The following ZBTB20 variants were observed in gnomAD, a reference collection of about 807,000 sequenced individuals.
ZBTB20 encodes zinc finger and BTB domain-containing protein 20.
Under a neutral mutation model 56.9 loss-of-function variants are expected in ZBTB20, and 9 were observed. The observed-to-expected ratio is 0.16, with a 90% CI of 0.10 to 0.28. The LOEUF (loss-of-function observed/expected upper bound fraction) is 0.28. Among genes scored for constraint, ZBTB20 ranks in the 10% least tolerant of loss-of-function variants. The pLI is 1.00. For synonymous variants in ZBTB20, 417 were observed against 420.7 expected (o/e 0.99, Z 0.11); for missense variants, 655 against 1,003.0 (o/e 0.65, Z 4.69).
At chr3:115,130,942 G>A (rs974937545) in intron 1 of ZBTB20, among the ~76,000 whole-genome samples, 2 of 152,050 alleles carry the variant, frequency 1.3e-5, no homozygotes, top group African/African-American at 2.4e-5. Flanking sequence ...TGAATTTTTA[G>A]TAGAGACAGG....
chr3:115,102,080 A>G (rs776687100), intron 1 of ZBTB20, among the ~76,000 whole-genome samples: 33 of 152,192 alleles, frequency 2.2e-4, no homozygotes, highest in Non-Finnish European at 4.7e-4. Flanking sequence ...TTAGAATGTA[A>G]TATCTACCTA....
Position 114,350,924 on chromosome 3 carries a change from G to T in ZBTB20, c.1154C>A (p.Thr385Asn). 1 of 1,606,036 alleles carries T rather than the reference G, an allele frequency of 6.2e-7. No individual in the cohort carries two copies. Among genetic ancestry groups the T allele is most frequent in the Non-Finnish European group, 8.5e-7 (1 of 1,179,916 alleles). Residue 385 changes from threonine (T) to asparagine (N), a missense_variant, in exon 11 of 12, where the codon ACC becomes AAC. Thr to Asn is a moderately conservative substitution (Grantham distance 65). Transcript: ENST00000675478. Reference sequence around the variant, plus strand: ...CTGCTGCTCCACCGAGTCAGGCTCGGTGCCTATGGAGGAGCTGACGCCCGA... The same window carrying T: ...CTGCTGCTCCACCGAGTCAGGCTCGTTGCCTATGGAGGAGCTGACGCCCGA... The part of the protein sequence containing the change: ...FDSGVSSSIG[T>N]EPDSVEQQFG...
chr3:115,086,489 C>T (rs943604622), intron 1 of ZBTB20, among the ~76,000 whole-genome samples: 1 of 151,684 alleles, frequency 6.6e-6, no homozygotes, highest in Non-Finnish European at 1.5e-5. Context: ...CTGCTATTGA[C>T]TCTTAATAAT....
intron 2 of ZBTB20, among the ~76,000 whole-genome samples, chr3:115,000,974 T>A (rs1190203577): frequency 1.3e-5 from 2 of 151,372 alleles, no homozygotes; most frequent in Non-Finnish European, 3.0e-5. Flanking sequence ...TATGTCTACA[T>A]TTAGGTGAAC....
At chr3:114,665,327 A>C (rs2060986884) in intron 6 of ZBTB20, among the ~76,000 whole-genome samples, 1 of 152,068 alleles carries the variant, frequency 6.6e-6, no homozygotes, top group African/African-American at 2.4e-5. Context: ...AGGAGCAATA[A>C]GTTATACTAT....
chr3:115,091,978 A>G (rs1356094934), intron 1 of ZBTB20, among the ~76,000 whole-genome samples: 1 of 152,090 alleles, frequency 6.6e-6, no homozygotes, highest in Non-Finnish European at 1.5e-5. Context: ...GAGCACCTCA[A>G]TGCCTGAAAT....
intron 6 of ZBTB20, among the ~76,000 whole-genome samples, chr3:114,581,126 C>A (rs2054596857): frequency 6.6e-6 from 1 of 151,792 alleles, no homozygotes; most frequent in African/African-American, 2.4e-5. Flanking sequence ...ATCATATAAA[C>A]AGATTTGATA....
chr3:114,543,012 G>C (rs922091713), intron 6 of ZBTB20, among the ~76,000 whole-genome samples: 1 of 152,030 alleles, frequency 6.6e-6, no homozygotes, highest in African/African-American at 2.4e-5. Flanking sequence ...ATAATATCCA[G>C]AAAAACATAC....
At chr3:114,563,617 C>T (rs1006826093) in intron 6 of ZBTB20, among the ~76,000 whole-genome samples, 2 of 152,162 alleles carry the variant, frequency 1.3e-5, no homozygotes, top group East Asian at 1.9e-4. Flanking sequence ...TCTCACTCTA[C>T]AATCCTCCCT....
At chr3:114,826,050 C>T (rs560099482) in intron 4 of ZBTB20, among the ~76,000 whole-genome samples, 1 of 151,694 alleles carries the variant, frequency 6.6e-6, no homozygotes, top group South Asian at 2.1e-4. Flanking sequence ...AACTTTCCAA[C>T]AATCAAAATT....
intron 2 of ZBTB20, among the ~76,000 whole-genome samples, chr3:114,991,469 A>T (rs1357724270): frequency 6.6e-6 from 1 of 151,912 alleles, no homozygotes; most frequent in South Asian, 2.1e-4. Flanking sequence ...GTCTGAGAGA[A>T]AGTTTGTTAT....
intron 6 of ZBTB20, among the ~76,000 whole-genome samples, chr3:114,685,113 C>G (rs2062249536): frequency 2.0e-5 from 3 of 152,116 alleles, no homozygotes; most frequent in African/African-American, 7.2e-5. Context: ...TTCCTAACAA[C>G]CCCCATCCCC....
chr3:115,129,134 A>G (rs13323268), intron 1 of ZBTB20, among the ~76,000 whole-genome samples: 22,444 of 152,184 alleles, frequency 0.15, 2,242 homozygotes, highest in East Asian at 0.59. Flanking sequence ...GCTTTCTTAT[A>G]ACATCATGTC....
intron 4 of ZBTB20, among the ~76,000 whole-genome samples, chr3:114,867,251 C>T (rs964884538): frequency 6.6e-6 from 1 of 152,048 alleles, no homozygotes; most frequent in African/African-American, 2.4e-5. Context: ...GGCAGGAAAA[C>T]CAGGTTGATC....
At chr3:115,078,609 G>A (rs1226316514) in intron 1 of ZBTB20, among the ~76,000 whole-genome samples, 2 of 135,564 alleles carry the variant, frequency 1.5e-5, no homozygotes, top group Admixed American at 7.1e-5. Context: ...GTGTGTGTGT[G>A]TGTGTATATA....
chr3:114,758,300 C>G (rs1209835109), intron 5 of ZBTB20, among the ~76,000 whole-genome samples: 1 of 152,100 alleles, frequency 6.6e-6, no homozygotes, highest in African/African-American at 2.4e-5. Flanking sequence ...GAACTAGTCT[C>G]TCCTGTCTTA....
At chr3:114,901,714 A>C (rs1228584276) in intron 3 of ZBTB20, among the ~76,000 whole-genome samples, 3 of 152,174 alleles carry the variant, frequency 2.0e-5, no homozygotes, top group African/African-American at 7.2e-5. Flanking sequence ...ACTTTAAAGA[A>C]TATTTTAAAT....
intron 7 of ZBTB20, among the ~76,000 whole-genome samples, chr3:114,456,215 A>G (rs1437647592): frequency 6.8e-6 from 1 of 147,984 alleles, no homozygotes; most frequent in African/African-American, 2.5e-5. Context: ...ATATATATGG[A>G]GAGAGAGAGA....
intron 1 of ZBTB20, among the ~76,000 whole-genome samples, chr3:115,117,280 C>A (rs1476751041): frequency 1.3e-5 from 2 of 152,070 alleles, no homozygotes; most frequent in African/African-American, 4.8e-5. Flanking sequence ...CTTTGAACAA[C>A]AAAACTAGAG....
Sources: allele counts gnomAD v4.1 joint callset (sites outside exome capture counted in the v4.1 genomes callset), GRCh38; gene constraint gnomAD v4.1.1; transcripts MANE v1.5; gene names NCBI Gene and HGNC (gene_info 2026-07-23, HGNC 2026-07-21).